Variants in POT1 observed in about 807,000 individuals in gnomAD.
POT1 encodes protection of telomeres protein 1.
POT1 carries 47 observed loss-of-function variants against 78.5 expected under a neutral mutation model. That is an observed-to-expected ratio of 0.60 (90% confidence interval 0.47 to 0.76). POT1 has a LOEUF of 0.76. Ranked by LOEUF, POT1 falls within the 30% of genes least tolerant of loss-of-function variation. The probability of loss-of-function intolerance (pLI) is 0.00; values close to 1 mark genes in which losing one functional copy is unlikely to be tolerated. For synonymous variants in POT1, 259 were observed against 260.7 expected (o/e 0.99, Z 0.06); for missense variants, 646 against 749.9 (o/e 0.86, Z 1.62).
intron 8 of POT1, 146 bp downstream of exon 8, chr7:124,863,204 T>C: frequency 1.4e-6 from 1 of 724,532 alleles, no homozygotes; most frequent in Non-Finnish European, 2.2e-6. Context: ...GCTGCATGAA[T>C]ATTGAGGCTC....
chr7:124,835,132 T>C (rs955574384), intron 15 of POT1, 147 bp downstream of exon 15: 3 of 886,938 alleles, frequency 3.4e-6, no homozygotes, highest in Non-Finnish European at 1.7e-6. Flanking sequence ...TTAGGAGAAA[T>C]GCCTAATGCA....
chr7:124,895,973 T>C (rs935827765), intron 5 of POT1, among the ~76,000 whole-genome samples: 4 of 151,692 alleles, frequency 2.6e-5, no homozygotes, highest in East Asian at 3.9e-4. Context: ...CCTGAGTCAC[T>C]TGAAAAGCAA....
At chr7:124,857,582 G>A (rs909803300) in intron 9 of POT1, among the ~76,000 whole-genome samples, 3 of 152,226 alleles carry the variant, frequency 2.0e-5, no homozygotes, top group Middle Eastern at 3.2e-3. Context: ...GGATGTCAGA[G>A]AGAAGCAGCT....
intron 2 of POT1, among the ~76,000 whole-genome samples, chr7:124,925,465 A>AT (rs1459952047): frequency 6.6e-6 from 1 of 151,890 alleles, no homozygotes; most frequent in African/African-American, 2.4e-5. Flanking sequence ...TGTAAACAAC[A>AT]TAAAAAAATG....
intron 1 of POT1, 124 bp downstream of exon 1, chr7:124,929,670 C>T (rs1381480491): frequency 1.3e-5 from 2 of 152,174 alleles, no homozygotes; most frequent in East Asian, 3.9e-4. Flanking sequence ...GAGATAAACA[C>T]TCGTAAGAAA....
At chr7:124,825,172 C>T in intron 18 of POT1, 80 bp downstream of exon 18, 1 of 841,186 alleles carries the variant, frequency 1.2e-6, no homozygotes, top group South Asian at 2.2e-5. Flanking sequence ...TTTCAGACTT[C>T]TAAAAGTCCA....
At chr7:124,912,534 CA>C (rs1201629510) in intron 3 of POT1, among the ~76,000 whole-genome samples, 1 of 152,158 alleles carries the variant, frequency 6.6e-6, no homozygotes, top group African/African-American at 2.4e-5. Context: ...TTCTGCCTTA[CA>C]TTCTCCATAG....
At chr7:124,848,877 G>T (rs1163971111) in intron 11 of POT1, among the ~76,000 whole-genome samples, 1 of 151,998 alleles carries the variant, frequency 6.6e-6, no homozygotes, top group Admixed American at 6.6e-5. Flanking sequence ...GTAAACTTAT[G>T]AAATTTAATA....
intron 6 of POT1, among the ~76,000 whole-genome samples, chr7:124,883,555 A>G (rs183198973): frequency 6.6e-6 from 1 of 152,248 alleles, no homozygotes; most frequent in African/African-American, 2.4e-5. Context: ...TTTATGCGCC[A>G]TACATTAAAC....
chr7:124,847,229 T>C (rs1795192432), intron 11 of POT1, among the ~76,000 whole-genome samples: 1 of 152,228 alleles, frequency 6.6e-6, no homozygotes, highest in African/African-American at 2.4e-5. Context: ...GCACAGTGGC[T>C]CACGCCTATA....
At chr7:124,924,691 T>C (rs906174534) in intron 2 of POT1, among the ~76,000 whole-genome samples, 1 of 152,032 alleles carries the variant, frequency 6.6e-6, no homozygotes, top group African/African-American at 2.4e-5. Flanking sequence ...GTATCTCTGA[T>C]GACATCGATG....
In POT1 at chr7:124,827,251, T is replaced by C. The variant is rs1271777240; in HGVS notation, c.1649A>G (p.Asp550Gly). ...YVFVMTFTLD[D>G]GTGVLEAYLM... ...ATAGGCTTCTAGTACTCCTGTTCCA[T>C]CATCAAGTGTAAAGGTCATAACAAA... Residue 550 changes from aspartate to glycine, a missense_variant, in exon 17 of 19, where the codon GAT (aspartate) becomes GGT (glycine). Asp to Gly is a moderately conservative substitution (Grantham distance 94, BLOSUM62 -1). Around this residue, in one of 2 missense-constraint regions of POT1, gnomAD observed 394 missense variants for 408.4 expected, o/e 0.96. Transcript: ENST00000357628. 6.3e-7 allele frequency: 1 copy of C among 1,597,646 alleles called. No individual in the cohort carries two copies. Among genetic ancestry groups the C allele is most frequent in the Non-Finnish European group, 8.6e-7 (1 of 1,167,574 alleles).
At chr7:124,892,053 T>C (rs1382323768) in intron 6 of POT1, among the ~76,000 whole-genome samples, 1 of 151,650 alleles carries the variant, frequency 6.6e-6, no homozygotes, top group Non-Finnish European at 1.5e-5. Context: ...TTTGCTTCAT[T>C]CTTTGTCCTT....
chr7:124,918,032 T>C (rs753908882), intron 2 of POT1, among the ~76,000 whole-genome samples: 12 of 152,114 alleles, frequency 7.9e-5, no homozygotes, highest in Non-Finnish European at 1.5e-4. Context: ...ACTGGGAAAT[T>C]TGAAAGTAAA....
chr7:124,925,047 T>C (rs1046833258), intron 2 of POT1, among the ~76,000 whole-genome samples: 3 of 151,882 alleles, frequency 2.0e-5, no homozygotes, highest in Non-Finnish European at 2.9e-5. Flanking sequence ...CCTCTAAGAA[T>C]TGGAACAAGA....
chr7:124,892,433 A>T (rs774862285), intron 5 of POT1, 53 bp from the exon 6 acceptor site: 2 of 892,150 alleles, frequency 2.2e-6, no homozygotes, highest in Non-Finnish European at 3.3e-6. Flanking sequence ...TACATTGTAG[A>T]ATCATGTTAT....
intron 7 of POT1, among the ~76,000 whole-genome samples, chr7:124,869,555 C>T (rs1460252904): frequency 6.6e-6 from 1 of 151,930 alleles, no homozygotes; most frequent in African/African-American, 2.4e-5. Context: ...GTATGTATTA[C>T]ATTTCTATGA....
rs144540872 is a variant in POT1 at position 124,906,455 on chromosome 7, C to G, written c.-153-8081G>C. 2.8e-3 allele frequency among the ~76,000 whole-genome samples: 371 copies of G among 134,818 alleles called. 1 individual carries two copies. Among genetic ancestry groups the G allele is most frequent in the Non-Finnish European group, 3.8e-3 (252 of 65,796 alleles). 88.4% of individuals were successfully genotyped at this position (134,818 alleles called of 152,430 possible). Reference sequence around the variant, plus strand: ...ACTGAACAATGAGAACACTTGGACACAGGGTGGGGAACATCACACACCGGG... The same window carrying G: ...ACTGAACAATGAGAACACTTGGACAGAGGGTGGGGAACATCACACACCGGG... On this transcript the variant is annotated intron_variant, in intron 3 of 18. Coordinates refer to ENST00000357628, the MANE Select transcript of POT1 (RefSeq NM_015450.3).
chr7:124,835,160 T>C, intron 15 of POT1, 119 bp downstream of exon 15: 2 of 1,218,588 alleles, frequency 1.6e-6, no homozygotes, highest in Non-Finnish European at 2.3e-6. Flanking sequence ...GGTTGATGGG[T>C]GCAGCAAACC....
Sources: allele counts gnomAD v4.1 joint callset (sites outside exome capture counted in the v4.1 genomes callset), GRCh38; gene constraint gnomAD v4.1.1; regional missense constraint gnomAD v4.1.1; transcripts MANE v1.5; gene names NCBI Gene and HGNC (gene_info 2026-07-23, HGNC 2026-07-21).